Variants in BMPER observed in about 807,000 individuals in gnomAD.
BMPER encodes the protein BMP-binding endothelial regulator protein.
Under a neutral mutation model 87.3 loss-of-function variants are expected in BMPER, and 45 were observed. The observed-to-expected ratio is 0.52, with a 90% CI of 0.41 to 0.66. The LOEUF (loss-of-function observed/expected upper bound fraction) is 0.66. BMPER is among the 30% of genes least tolerant of loss of function. The pLI is 0.00. For synonymous variants in BMPER, 326 were observed against 316.2 expected, an observed-to-expected ratio of 1.03 and a Z score of -0.33; for missense variants, 784 against 867.5, an observed-to-expected ratio of 0.90 and a Z score of 1.21.
chr7:34,141,165 A>G (rs558385806), intron 13 of BMPER, among the ~76,000 whole-genome samples: 1 of 152,346 alleles, frequency 6.6e-6, no homozygotes, highest in African/African-American at 2.4e-5. Flanking sequence ...TGGCATTTAG[A>G]CGCCATTTTA....
At chr7:33,953,016 A>C (rs1196366029) in intron 3 of BMPER, among the ~76,000 whole-genome samples, 2 of 152,210 alleles carry the variant, frequency 1.3e-5, no homozygotes, top group Non-Finnish European at 2.9e-5. Context: ...TGGAGGGCTG[A>C]AGATGTTTAT....
At chr7:34,044,735 A>G (rs12539069) in intron 6 of BMPER, among the ~76,000 whole-genome samples, 45,777 of 152,096 alleles carry the variant, frequency 0.3, 7,958 homozygotes, top group East Asian at 0.42. Flanking sequence ...GTATTTTCGC[A>G]TGTTCTCTAT....
chr7:34,050,763 A>G (rs1788127604), intron 7 of BMPER, among the ~76,000 whole-genome samples: 1 of 152,182 alleles, frequency 6.6e-6, no homozygotes, highest in Non-Finnish European at 1.5e-5. Context: ...AAAGGAGGAA[A>G]TTAGATTGTA....
At chr7:33,958,781 C>T (rs535331127) in intron 3 of BMPER, among the ~76,000 whole-genome samples, 2 of 152,230 alleles carry the variant, frequency 1.3e-5, no homozygotes, top group South Asian at 4.2e-4. Flanking sequence ...AGATGTGCTA[C>T]CTTTGGGTTA....
At chr7:34,113,874 A>G (rs939432120) in intron 13 of BMPER, among the ~76,000 whole-genome samples, 4 of 152,148 alleles carry the variant, frequency 2.6e-5, no homozygotes, top group Non-Finnish European at 4.4e-5. Context: ...GTCTACTGCC[A>G]TGGTAGTCTG....
At chr7:33,947,940 A>T (rs1436387495) in intron 3 of BMPER, among the ~76,000 whole-genome samples, 2 of 152,158 alleles carry the variant, frequency 1.3e-5, no homozygotes, top group Non-Finnish European at 2.9e-5. Context: ...AAAAACTCTT[A>T]TATGAAAATA....
intron 6 of BMPER, among the ~76,000 whole-genome samples, chr7:34,006,729 C>A (rs183550089): frequency 6.6e-6 from 1 of 151,970 alleles, no homozygotes; most frequent in Admixed American, 6.6e-5. Context: ...CAGTTATGGA[C>A]GTCTGTGTAT....
At chr7:33,937,612 T>A in intron 3 of BMPER, 1 of 555,598 alleles carries the variant, frequency 1.8e-6, no homozygotes, top group Non-Finnish European at 3.3e-6. Flanking sequence ...GATGAAAGTA[T>A]GTGAGCATCT....
At chr7:34,012,725 A>C (rs1415918217) in intron 6 of BMPER, among the ~76,000 whole-genome samples, 1 of 151,958 alleles carries the variant, frequency 6.6e-6, no homozygotes, top group Non-Finnish European at 1.5e-5. Context: ...CTACTCATTT[A>C]ATAATGACAC....
At position 34,086,010 on chromosome 7, in the gene BMPER, C is replaced by T. The variant is rs10249320; in HGVS notation, c.1663C>T (p.Arg555Trp). The T allele has an allele frequency of 8.1e-3, 13,136 of 1,614,032 alleles. 61 individuals are homozygous for T. The highest frequency in any genetic ancestry group is 0.01 in the Non-Finnish European group (11,881 of 1,180,010). Residue 555 changes from arginine to tryptophan, a missense_variant, in exon 13 of 15, where the codon CGG (arginine) becomes TGG (tryptophan). By Grantham distance (101) the Arg-to-Trp change is moderately radical. Transcript: ENST00000649409. Reference sequence around the variant, plus strand: ...TCAAGGGACAGTCAAGGTAAAGCTCCGGGCCCATCGAGAATGCCAAAAGCT... The same window carrying T: ...TCAAGGGACAGTCAAGGTAAAGCTCTGGGCCCATCGAGAATGCCAAAAGCT... The part of the protein sequence containing the change: ...LCQGTVKVKL[R>W]AHRECQKLKS...
intron 2 of BMPER, among the ~76,000 whole-genome samples, chr7:33,935,125 A>G (rs1464062712): frequency 6.6e-6 from 1 of 152,194 alleles, no homozygotes; most frequent in East Asian, 1.9e-4. Context: ...TTAAGAAAAA[A>G]TTATAAAAAT....
At chr7:33,957,359 G>C (rs759649255) in intron 3 of BMPER, among the ~76,000 whole-genome samples, 31 of 149,930 alleles carry the variant, frequency 2.1e-4, no homozygotes, top group Non-Finnish European at 1.6e-4. Context: ...ACCTCAAAAG[G>C]CTACATACTA....
At chr7:33,952,167 T>G (rs908346719) in intron 3 of BMPER, among the ~76,000 whole-genome samples, 2 of 152,322 alleles carry the variant, frequency 1.3e-5, no homozygotes, top group Admixed American at 6.5e-5. Context: ...TACCATAATT[T>G]TGATGTGATT....
chr7:34,024,389 A>C (rs1787297339), intron 6 of BMPER, among the ~76,000 whole-genome samples: 1 of 10,258 alleles, frequency 9.7e-5, no homozygotes, highest in African/African-American at 5.5e-4. Flanking sequence ...AAAACAATAT[A>C]TATATATATA....
At chr7:33,906,041 C>A (rs1270239506) in intron 1 of BMPER, among the ~76,000 whole-genome samples, 1 of 152,074 alleles carries the variant, frequency 6.6e-6, no homozygotes, top group African/African-American at 2.4e-5. Context: ...TTTAATCTTT[C>A]CCTCTGTAGA....
At chr7:34,034,195 T>G (rs1489680086) in intron 6 of BMPER, among the ~76,000 whole-genome samples, 1 of 152,170 alleles carries the variant, frequency 6.6e-6, no homozygotes, top group East Asian at 1.9e-4. Context: ...CTAATATTAT[T>G]CCAGGAGAAC....
intron 13 of BMPER, among the ~76,000 whole-genome samples, chr7:34,119,563 T>G (rs905664357): frequency 1.3e-5 from 2 of 152,206 alleles, no homozygotes; most frequent in Non-Finnish European, 2.9e-5. Context: ...TTCTGATCTC[T>G]TGTTTCTGAA....
At chr7:34,122,046 C>T (rs1324612795) in intron 13 of BMPER, among the ~76,000 whole-genome samples, 1 of 149,994 alleles carries the variant, frequency 6.7e-6, no homozygotes, top group Non-Finnish European at 1.5e-5. Context: ...TTGCTTCAGC[C>T]CAAGAGTTGG....
At chr7:33,982,058 C>G (rs1785878165) in intron 6 of BMPER, among the ~76,000 whole-genome samples, 1 of 152,184 alleles carries the variant, frequency 6.6e-6, no homozygotes, top group Non-Finnish European at 1.5e-5. Context: ...ACATGACTGA[C>G]CTCCTCCTGC....
Sources: gnomAD v4.1 joint callset for allele counts (sites outside exome capture counted in the v4.1 genomes callset) on GRCh38, gnomAD v4.1.1 for gene constraint, MANE v1.5 for transcripts, NCBI Gene and HGNC (gene_info 2026-07-23, HGNC 2026-07-21) for gene names.